The following RBL1 variants were observed in gnomAD, a reference collection of about 807,000 sequenced individuals.
The protein encoded by RBL1 is RB transcriptional corepressor like 1, also known as retinoblastoma-like protein 1.
A neutral mutation model predicts 123.0 loss-of-function variants in RBL1; 82 were observed. The observed-to-expected ratio is 0.67, with a 90% CI of 0.56 to 0.80. RBL1 has a LOEUF of 0.80. Among genes scored for constraint, RBL1 ranks in the 30% least tolerant of loss-of-function variants. The pLI is 0.00. For synonymous variants in RBL1, 405 were observed against 441.3 expected, an observed-to-expected ratio of 0.92 and a Z score of 1.03; for missense variants, 1,171 against 1,299.6, an observed-to-expected ratio of 0.90 and a Z score of 1.52.
intron 1 of RBL1, among the ~76,000 whole-genome samples, chr20:37,093,473 C>G (rs1392722990): frequency 6.6e-6 from 1 of 151,898 alleles, no homozygotes; most frequent in East Asian, 1.9e-4. Flanking sequence ...ATACTATCTC[C>G]ACAAAAAATT....
At chr20:37,089,531 C>A (rs1362341886) in intron 1 of RBL1, among the ~76,000 whole-genome samples, 1 of 151,964 alleles carries the variant, frequency 6.6e-6, no homozygotes, top group Non-Finnish European at 1.5e-5. Context: ...GCAGTCCCAG[C>A]TACTTGGGTG....
intron 14 of RBL1, among the ~76,000 whole-genome samples, chr20:37,038,805 G>A (rs1600510593): frequency 6.7e-6 from 1 of 149,456 alleles, no homozygotes; most frequent in East Asian, 2.0e-4. Flanking sequence ...GTTTCACCAT[G>A]TTGGCCAGGC....
intron 21 of RBL1, among the ~76,000 whole-genome samples, chr20:36,999,540 G>A (rs532698422): frequency 3.4e-4 from 50 of 148,646 alleles, no homozygotes; most frequent in African/African-American, 1.2e-3. Context: ...CCCTGATGCC[G>A]AGCCAAAGCT....
chr20:37,014,322 TCCTGGCTTGG>T (rs1600463350), intron 19 of RBL1, among the ~76,000 whole-genome samples: 2 of 151,822 alleles, frequency 1.3e-5, no homozygotes, highest in East Asian at 3.9e-4. Context: ...CAAGCCACCC[TCCTGGCTTGG>T]CCTCCCAAAG....
At chr20:37,038,426 G>T (rs542412789) in intron 14 of RBL1, among the ~76,000 whole-genome samples, 5 of 143,598 alleles carry the variant, frequency 3.5e-5, no homozygotes, top group African/African-American at 1.0e-4. Context: ...TCAGCCTCCC[G>T]AGTAGCTGGG....
At chr20:37,054,829 A>G (rs1268672759) in intron 11 of RBL1, among the ~76,000 whole-genome samples, 1 of 146,820 alleles carries the variant, frequency 6.8e-6, no homozygotes, top group Admixed American at 6.8e-5. Context: ...GACTCAGTCT[A>G]AAAAAAAAAA....
In RBL1 at chr20:36,998,858, A is replaced by C; in HGVS notation, c.3108T>G (p.Asp1036Glu). Residue 1036 changes from aspartate to glutamate, a missense_variant, in exon 22 of 22, where the codon GAT becomes GAG. By Grantham distance (45) the Asp-to-Glu change is conservative. Transcript: ENST00000373664. ...QRTKKRVIAI[D>E]SDAESPAKRV... Reference sequence around the variant, plus strand: ...GTTTGGCAGGGGATTCTGCATCACTATCGATGGCTATTACTCGCTTCTTGG... The same window carrying C: ...GTTTGGCAGGGGATTCTGCATCACTCTCGATGGCTATTACTCGCTTCTTGG... 1.2e-6 allele frequency: 2 copies of C among 1,613,184 alleles called. No individual in the cohort carries two copies. Among genetic ancestry groups the C allele is most frequent in the African/African-American group, 1.3e-5 (1 of 75,024 alleles).
intron 1 of RBL1, among the ~76,000 whole-genome samples, chr20:37,094,243 A>C (rs935564069): frequency 1.5e-4 from 23 of 152,196 alleles, no homozygotes; most frequent in African/African-American, 5.5e-4. Context: ...AATCAGACCT[A>C]GGATGTCAGA....
chr20:37,000,626 A>C (rs1165310639), intron 21 of RBL1, among the ~76,000 whole-genome samples: 75 of 94,492 alleles, frequency 7.9e-4, no homozygotes, highest in African/African-American at 1.7e-3. Flanking sequence ...GCCAGCCGCC[A>C]CATCCGGGAG....
At chr20:37,018,684 G>A (rs1198079432) in intron 18 of RBL1, among the ~76,000 whole-genome samples, 1 of 152,168 alleles carries the variant, frequency 6.6e-6, no homozygotes. Context: ...AGGTGCAGTG[G>A]CTCACACCTG....
intron 9 of RBL1, among the ~76,000 whole-genome samples, chr20:37,058,116 AAAAAAAAAAAAAACAAAACAAAAC>A (rs2065037987): frequency 7.6e-6 from 1 of 131,942 alleles, no homozygotes; most frequent in African/African-American, 2.7e-5. Context: ...AACTCTGTCT[AAAAAAAAAAAAAACAAAACAAAAC>A]AAAAAAAAAA....
chr20:37,087,172 G>C (rs2065560696), intron 2 of RBL1, among the ~76,000 whole-genome samples: 1 of 151,970 alleles, frequency 6.6e-6, no homozygotes, highest in African/African-American at 2.4e-5. Flanking sequence ...ACATCTCTAC[G>C]AAAAATACAA....
intron 14 of RBL1, among the ~76,000 whole-genome samples, chr20:37,036,216 C>T (rs1193584169): frequency 6.6e-6 from 1 of 152,118 alleles, no homozygotes; most frequent in Non-Finnish European, 1.5e-5. Context: ...CATCTTTTTT[C>T]ACAATTCTTC....
chr20:37,031,038 T>TCA (rs1405475714), intron 16 of RBL1, among the ~76,000 whole-genome samples: 2 of 151,772 alleles, frequency 1.3e-5, no homozygotes, highest in Non-Finnish European at 2.9e-5. Context: ...AAAGTGAGAC[T>TCA]CTGTCTCAAA....
At chr20:37,069,935 C>T (rs997112260) in intron 2 of RBL1, among the ~76,000 whole-genome samples, 1 of 151,690 alleles carries the variant, frequency 6.6e-6, no homozygotes, top group African/African-American at 2.4e-5. Flanking sequence ...AGTGAGGAGC[C>T]CCTCTGCCCG....
At position 37,074,747 on chromosome 20, in the gene RBL1, C is replaced by A. The variant is rs372463359; in HGVS notation, c.291-6561G>T. ...GGCTGAGGCACAAGAATCGTTGAAA[C>A]CTGGGAGGCGCAGGTTGCAGTGAGC... is the stretch of plus-strand genomic sequence containing the variant. On this transcript the variant is annotated intron_variant, in intron 2 of 21. Transcript: ENST00000373664. Among the ~76,000 whole-genome samples, 12 of 152,028 alleles carry A rather than the reference C, an allele frequency of 7.9e-5. 1 individual carries two copies. In the East Asian group the frequency reaches 1.4e-3, roughly 17 times the overall value.
chr20:37,012,035 G>A lies in RBL1; in HGVS notation c.2723-4476C>T, dbSNP rs549823525. ...GCGCTGTCACGCCTGACTGGTTTTCGTATTTTTTTGGTGGAGACGGGGTTT... is the reference window on the plus strand; with the variant it reads ...GCGCTGTCACGCCTGACTGGTTTTCATATTTTTTTGGTGGAGACGGGGTTT... On this transcript the variant is annotated intron_variant, in intron 19 of 21. Transcript: ENST00000373664. 2.8e-3 allele frequency among the ~76,000 whole-genome samples: 422 copies of A among 152,296 alleles called. 2 individuals are homozygous for A. The highest frequency in any genetic ancestry group is 9.4e-3 in the African/African-American group (391 of 41,574).
intron 20 of RBL1, 151 bp from the exon 21 acceptor site, chr20:37,004,017 C>A: frequency 2.1e-6 from 1 of 480,322 alleles, no homozygotes; most frequent in Non-Finnish European, 3.3e-6. Context: ...TCCTTTACTT[C>A]TTCTTTTTTT....
chr20:37,060,310 G>C (rs977852799), intron 9 of RBL1, among the ~76,000 whole-genome samples: 1 of 151,898 alleles, frequency 6.6e-6, no homozygotes, highest in Non-Finnish European at 1.5e-5. Flanking sequence ...CCTTATACAG[G>C]TGATCTTTAG....
Sources: gnomAD v4.1 joint callset for allele counts (sites outside exome capture counted in the v4.1 genomes callset) on GRCh38, gnomAD v4.1.1 for gene constraint, MANE v1.5 for transcripts, NCBI Gene and HGNC (gene_info 2026-07-23, HGNC 2026-07-21) for gene names.